The following GIPC1 variants were observed in gnomAD, a reference collection of about 807,000 sequenced individuals.
GIPC1 encodes GIPC PDZ domain containing family member 1.
In GIPC1, 15 loss-of-function variants were observed where a neutral mutation model predicts 28.5. That is an observed-to-expected ratio of 0.53 (90% CI 0.35 to 0.81). The LOEUF is 0.81. Among genes scored for constraint, GIPC1 ranks in the 30% least tolerant of loss-of-function variants. The probability of loss-of-function intolerance (pLI) is 0.01; values close to 1 mark genes in which losing one functional copy is unlikely to be tolerated. For missense variants in GIPC1, 439 were observed against 481.9 expected, an observed-to-expected ratio of 0.91 and a Z score of 0.83; for synonymous variants, 224 against 206.1, an observed-to-expected ratio of 1.09 and a Z score of -0.74.
intron 2 of GIPC1, among the ~76,000 whole-genome samples, chr19:14,492,500 G>A (rs569248586): frequency 6.6e-5 from 10 of 152,200 alleles, no homozygotes; most frequent in African/African-American, 2.4e-4. Context: ...TAGAGACGCT[G>A]TTTCATCATG....
intron 3 of GIPC1, among the ~76,000 whole-genome samples, chr19:14,487,186 T>C (rs1406815128): frequency 1.3e-5 from 2 of 151,986 alleles, no homozygotes; most frequent in African/African-American, 2.4e-5. Context: ...TGGTGTGGTG[T>C]CTGCCAGGAG....
intron 1 of GIPC1, among the ~76,000 whole-genome samples, chr19:14,494,109 G>C (rs563835967): frequency 6.6e-6 from 1 of 152,178 alleles, no homozygotes; most frequent in East Asian, 1.9e-4. Flanking sequence ...ACAGGCGTGC[G>C]CCACCACACC....
Position 14,478,619 on chromosome 19 carries a change from G to A in GIPC1, c.851-52C>T. 6.2e-7 allele frequency: 1 copy of A among 1,612,588 alleles called. No homozygotes were observed. Among genetic ancestry groups the A allele is most frequent in the Non-Finnish European group, 8.5e-7 (1 of 1,178,764 alleles). Reference sequence around the variant, plus strand: ...GCACAAATGACACCAGGGACCAAGGGGCTCAGGGTGGATTCGGCCCCCAGC... The same window carrying A: ...GCACAAATGACACCAGGGACCAAGGAGCTCAGGGTGGATTCGGCCCCCAGC... On this transcript the variant is annotated intron_variant, in intron 8 of 8. Transcript: ENST00000393033. The surrounding 1 kb of genome is among the most constrained non-coding windows in gnomAD (Gnocchi z 5.2).
chr19:14,491,038 G>A (rs982065907), intron 3 of GIPC1, among the ~76,000 whole-genome samples: 6 of 151,732 alleles, frequency 4.0e-5, no homozygotes, highest in African/African-American at 7.3e-5. Flanking sequence ...GTGCAGGGAC[G>A]GTGGCTCCCG....
rs1379729000 is a variant in GIPC1, at chr19:14,478,770, G to A, written c.769-5C>T. On this transcript the variant is annotated splice_polypyrimidine_tract_variant and splice_region_variant and intron_variant, in intron 7 of 8. Coordinates refer to ENST00000393033, the MANE Select transcript of GIPC1 (RefSeq NM_005716.4). This position sits in a 1 kb window ranked among gnomAD's most constrained non-coding sequence, Gnocchi z 5.2. ...CTTCTCTTCAAAGGCAGAGGGCTGGGGGCCAGGGAGGGGTGACAGCGACAT... is the reference window on the plus strand; with the variant it reads ...CTTCTCTTCAAAGGCAGAGGGCTGGAGGCCAGGGAGGGGTGACAGCGACAT... 1.9e-6 allele frequency: 3 copies of A among 1,607,082 alleles called. No individual in the cohort carries two copies. The highest frequency in any genetic ancestry group is 2.6e-6 in the Non-Finnish European group (3 of 1,173,798).
At chr19:14,484,838 C>T (rs2071801992) in intron 3 of GIPC1, among the ~76,000 whole-genome samples, 1 of 151,954 alleles carries the variant, frequency 6.6e-6, no homozygotes. Context: ...TAGACTCAAG[C>T]AATCCTCCTG....
intron 2 of GIPC1, among the ~76,000 whole-genome samples, 168 bp from the exon 3 acceptor site, chr19:14,491,911 T>C (rs2071983045): frequency 6.6e-6 from 1 of 151,962 alleles, no homozygotes; most frequent in Non-Finnish European, 1.5e-5. Context: ...AGCCATATAT[T>C]TTCAAAATTA....
chr19:14,488,496 G>T (rs1384221474), intron 3 of GIPC1, among the ~76,000 whole-genome samples: 1 of 151,814 alleles, frequency 6.6e-6, no homozygotes, highest in African/African-American at 2.4e-5. Context: ...GCTCATGCCT[G>T]TAATCCCAGC....
At position 14,479,400 on chromosome 19, in the gene GIPC1, T is replaced by A; in HGVS notation, c.768+12A>T. Reference sequence around the variant, plus strand: ...AGGGATGCCGGAGATAGGGTCCGGCTGGAGCACTCACCAGATCCTCCACCG... The same window carrying A: ...AGGGATGCCGGAGATAGGGTCCGGCAGGAGCACTCACCAGATCCTCCACCG... On this transcript the variant is annotated intron_variant, in intron 7 of 8. Transcript: ENST00000393033. 8.5e-7 allele frequency: 1 copy of A among 1,169,690 alleles called. No homozygotes were observed. The highest frequency in any genetic ancestry group is 1.8e-5 in the South Asian group (1 of 54,746). The allele number at this position is 1,169,690 out of a possible 1,614,324, so 72.5% of individuals were successfully genotyped here. A position where few individuals can be genotyped will look rare whatever the true frequency, so the allele number is the denominator to read the frequency against.
intron 3 of GIPC1, among the ~76,000 whole-genome samples, chr19:14,484,129 CTTT>C (rs56178535): frequency 1.1e-4 from 12 of 108,496 alleles, no homozygotes; most frequent in Admixed American, 7.6e-4. Context: ...GACCCTGACT[CTTT>C]TTTTTTTTTT....
At chr19:14,479,192 AAATACAAAAATCAGC>A (rs2071667950) in intron 7 of GIPC1, among the ~76,000 whole-genome samples, 2 of 152,174 alleles carry the variant, frequency 1.3e-5, no homozygotes, top group South Asian at 4.1e-4. Context: ...TCTCTACTAA[AAATACAAAAATCAGC>A]TGGGCATGGT....
intron 3 of GIPC1, among the ~76,000 whole-genome samples, chr19:14,484,936 G>C (rs1300576143): frequency 6.6e-6 from 1 of 151,678 alleles, no homozygotes; most frequent in Non-Finnish European, 1.5e-5. Context: ...GAGGTGGGCA[G>C]ATCACCTGAG....
intron 3 of GIPC1, among the ~76,000 whole-genome samples, chr19:14,486,603 T>C (rs2146479711): frequency 6.6e-6 from 1 of 152,204 alleles, no homozygotes; most frequent in South Asian, 2.1e-4. Context: ...AATGGAAGTG[T>C]AGCAGGAAGA....
At chr19:14,483,046 C>A (rs1418330380) in intron 3 of GIPC1, 40 bp from the exon 4 acceptor site, 3 of 1,413,856 alleles carry the variant, frequency 2.1e-6, no homozygotes, top group African/African-American at 2.8e-5. Flanking sequence ...TGGGCAGAGG[C>A]CTTGGGTGCC....
chr19:14,483,188 G>A (rs1051772784), intron 3 of GIPC1, 182 bp from the exon 4 acceptor site: 11 of 565,484 alleles, frequency 1.9e-5, no homozygotes, highest in African/African-American at 1.2e-4. Flanking sequence ...GGGTGCGGTG[G>A]CTCACGCCTG....
chr19:14,482,826 G>A lies in GIPC1; in HGVS notation c.151C>T (p.Pro51Ser), dbSNP rs557050135. Reference sequence around the variant, plus strand: ...ACGAGGCGGGGCCGCAGGGCTGGGGGAGGGGGGGGCAAGCCCATTTGGGGG... The same window carrying A: ...ACGAGGCGGGGCCGCAGGGCTGGGGAAGGGGGGGGCAAGCCCATTTGGGGG... ...GGPQMGLPPPPPALRPRLVFH... is the reference protein window; with the variant it reads ...GGPQMGLPPPSPALRPRLVFH... The change falls in exon 4 of 9, where the codon CCC becomes TCC. Residue 51 changes from proline to serine, a missense_variant. Physicochemically the swap from Pro to Ser is moderately conservative, Grantham distance 74 (BLOSUM62 -1). Coordinates refer to ENST00000393033, the MANE Select transcript of GIPC1 (RefSeq NM_005716.4). 4 of 1,581,932 alleles carry A rather than the reference G, an allele frequency of 2.5e-6. No homozygotes were observed. In the South Asian group the frequency reaches 3.4e-5, roughly 13 times the overall value.
rs1368079089 is a variant in GIPC1 at position 14,496,050 on chromosome 19, G to T, written c.-188C>A. 1 of 241,098 alleles carries T rather than the reference G, an allele frequency of 4.1e-6. No homozygotes were observed. The allele number at this position is 241,098 out of a possible 1,614,324, so 14.9% of individuals were successfully genotyped here. A position where few individuals can be genotyped will look rare whatever the true frequency, so the allele number is the denominator to read the frequency against. ...GAGGCCACTCACCTGCTCCGCCGCC[G>T]CCGCCGCCGCCGCCGCCGCCGCCGC... is the stretch of plus-strand genomic sequence containing the variant. On this transcript the variant is annotated 5_prime_UTR_variant, in exon 1 of 9. Transcript: ENST00000393033.
In GIPC1 at chr19:14,482,531, C is replaced by G. The variant is rs546767046; in HGVS notation, c.288+158G>C. On this transcript the variant is annotated intron_variant, in intron 4 of 8. Coordinates refer to ENST00000393033, the MANE Select transcript of GIPC1 (RefSeq NM_005716.4). ...CAAGCCTCCCAGTGCCTCATGGGGA[C>G]TCAGCATCCAGCCCAGGCCATTGGC... 10 of 717,094 alleles carry G rather than the reference C, an allele frequency of 1.4e-5. No homozygotes were observed. The African/African-American group carries it at 1.8e-4, about 13-fold the overall frequency. 44.4% of individuals were successfully genotyped at this position (717,094 alleles called of 1,614,324 possible). A position where few individuals can be genotyped will look rare whatever the true frequency, so the allele number is the denominator to read the frequency against.
At chr19:14,493,954 C>A (rs1356344475) in intron 1 of GIPC1, among the ~76,000 whole-genome samples, 1 of 150,320 alleles carries the variant, frequency 6.7e-6, no homozygotes, top group Admixed American at 6.7e-5. Flanking sequence ...AGCCACCACG[C>A]CTGGCCTATT....
Sources: gnomAD v4.1 joint callset for allele counts (sites outside exome capture counted in the v4.1 genomes callset) on GRCh38, gnomAD v4.1.1 for gene constraint, Gnocchi (gnomAD v3.1) non-coding constraint, MANE v1.5 for transcripts, NCBI Gene and HGNC (gene_info 2026-07-23, HGNC 2026-07-21) for gene names.